The following SPAG17 variants were observed in gnomAD, a reference collection of about 807,000 sequenced individuals.
SPAG17 encodes sperm-associated antigen 17.
In SPAG17, 169 loss-of-function variants were observed where a neutral mutation model predicts 273.6. That is an observed-to-expected ratio of 0.62 (90% CI 0.55 to 0.70). The LOEUF is 0.70. SPAG17 is among the 30% of genes least tolerant of loss of function. The pLI, the probability that SPAG17 is intolerant of heterozygous loss-of-function variation, is 0.00. For synonymous variants in SPAG17, 825 were observed against 873.2 expected (o/e 0.94, Z 0.97); for missense variants, 2,557 against 2,627.8 (o/e 0.97, Z 0.59).
chr1:118,058,563 G>A (rs1651948316), intron 18 of SPAG17, among the ~76,000 whole-genome samples: 1 of 152,186 alleles, frequency 6.6e-6, no homozygotes, highest in African/African-American at 2.4e-5. Context: ...AAAGATAGAA[G>A]TGTGGCAGAT....
intron 15 of SPAG17, among the ~76,000 whole-genome samples, chr1:118,079,636 CT>C (rs1185299170): frequency 6.6e-6 from 1 of 151,524 alleles, no homozygotes. Context: ...TGTTGTTTTC[CT>C]TCTTCCACTT....
intron 36 of SPAG17, 28 bp from the exon 37 acceptor site, chr1:117,991,556 C>G: frequency 7.3e-7 from 1 of 1,377,592 alleles, no homozygotes; most frequent in South Asian, 1.2e-5. Context: ...AATACATAGA[C>G]AAAAACTAGG....
intron 20 of SPAG17, among the ~76,000 whole-genome samples, chr1:118,045,848 T>TTG (rs1167930411): frequency 6.6e-6 from 1 of 152,186 alleles, no homozygotes; most frequent in Admixed American, 6.5e-5. Flanking sequence ...GTTCGGAAAG[T>TTG]TGCAGATTCA....
At chr1:118,014,660 G>A (rs560804849) in intron 29 of SPAG17, among the ~76,000 whole-genome samples, 38 of 152,282 alleles carry the variant, frequency 2.5e-4, no homozygotes, top group Non-Finnish European at 4.7e-4. Context: ...ATAGCAAGCT[G>A]GCATTTTGCT....
chr1:118,179,814 A>G (rs965416324), intron 1 of SPAG17, among the ~76,000 whole-genome samples: 2 of 152,110 alleles, frequency 1.3e-5, no homozygotes, highest in Admixed American at 1.3e-4. Context: ...AAAAAGATGT[A>G]CAAATGACCA....
chr1:118,152,006 TATTGTA>T (rs1175582038), intron 1 of SPAG17, among the ~76,000 whole-genome samples: 2 of 152,252 alleles, frequency 1.3e-5, no homozygotes, highest in Non-Finnish European at 2.9e-5. Context: ...TCTCTTTGTT[TATTGTA>T]ATTGTAATTT....
At chr1:118,066,673 C>T (rs1046791792) in intron 18 of SPAG17, 72 bp downstream of exon 18, 1 of 1,344,002 alleles carries the variant, frequency 7.4e-7, no homozygotes. Context: ...GAACTAACAC[C>T]TAAGTAACTA....
chr1:118,081,640 C>G lies in SPAG17; in HGVS notation c.1765G>C (p.Val589Leu). The G allele has an allele frequency of 6.2e-7, 1 of 1,613,276 alleles. No individual in the cohort carries two copies. Among genetic ancestry groups the G allele is most frequent in the Non-Finnish European group, 8.5e-7 (1 of 1,179,420 alleles). Residue 589 changes from valine to leucine, a missense_variant and splice_region_variant, in exon 14 of 49, where the codon GTC becomes CTC. Val to Leu is a conservative substitution (Grantham distance 32, BLOSUM62 1). Coordinates refer to ENST00000336338, the MANE Select transcript of SPAG17 (RefSeq NM_206996.4). The stretch of plus-strand genomic sequence containing the variant: ...CGTTCTACTTCATTCCAGCTCAAGA[C>G]ATCTGTAAGAAAGCAGAACCAGTGC... ...HELMHFCTSD[V>L]LSWNEVERAF... is the part of the protein sequence containing the mutation.
chr1:118,185,170 A>C lies in SPAG17; in HGVS notation c.-13T>G, dbSNP rs1384430343. The C allele has an allele frequency of 1.9e-6, 3 of 1,608,458 alleles. No homozygotes were observed. The highest frequency in any genetic ancestry group is 2.6e-6 in the Non-Finnish European group (3 of 1,174,822). The stretch of plus-strand genomic sequence containing the variant: ...TCTTGGGTGCCATGCAAAGGACGGG[A>C]GAAGCATTGGCCTCTAAACTGGGCG... On this transcript the variant is annotated 5_prime_UTR_variant, in exon 1 of 49. Transcript: ENST00000336338.
chr1:118,135,006 A>G (rs982105253), intron 3 of SPAG17, among the ~76,000 whole-genome samples: 2 of 152,344 alleles, frequency 1.3e-5, no homozygotes, highest in Admixed American at 6.5e-5. Context: ...TCTGTTTTTC[A>G]TAAGACTGGA....
chr1:118,147,577 A>G (rs1659087426), intron 3 of SPAG17, among the ~76,000 whole-genome samples: 1 of 152,226 alleles, frequency 6.6e-6, no homozygotes, highest in Non-Finnish European at 1.5e-5. Flanking sequence ...AGCTGCAGCT[A>G]CGTCTCTACA....
chr1:118,068,241 A>C (rs1653184978), intron 17 of SPAG17, among the ~76,000 whole-genome samples: 1 of 151,848 alleles, frequency 6.6e-6, no homozygotes, highest in African/African-American at 2.4e-5. Context: ...AAAACAATAC[A>C]TTTGCTTCCC....
At chr1:118,001,177 T>G (rs1322573915) in intron 32 of SPAG17, among the ~76,000 whole-genome samples, 1 of 152,192 alleles carries the variant, frequency 6.6e-6, no homozygotes, top group Non-Finnish European at 1.5e-5. Flanking sequence ...GAAGCCGACC[T>G]GAACATGGCG....
chr1:118,122,166 TG>T (rs1657461623), intron 3 of SPAG17, among the ~76,000 whole-genome samples: 4 of 152,060 alleles, frequency 2.6e-5, no homozygotes, highest in Admixed American at 2.6e-4. Flanking sequence ...TGTGTGTGTG[TG>T]TGTGTGTGTG....
chr1:118,116,779 A>G (rs1466046888), intron 3 of SPAG17, among the ~76,000 whole-genome samples: 1 of 152,200 alleles, frequency 6.6e-6, no homozygotes, highest in Non-Finnish European at 1.5e-5. Context: ...CTAAAAACCA[A>G]AGGAACTAAC....
intron 3 of SPAG17, among the ~76,000 whole-genome samples, chr1:118,122,996 T>C (rs1385825952): frequency 6.6e-6 from 1 of 152,106 alleles, no homozygotes; most frequent in Non-Finnish European, 1.5e-5. Flanking sequence ...AAAGGACAAA[T>C]TGAGATATCT....
intron 3 of SPAG17, among the ~76,000 whole-genome samples, chr1:118,123,223 C>A (rs1657520862): frequency 6.6e-6 from 1 of 152,090 alleles, no homozygotes; most frequent in Non-Finnish European, 1.5e-5. Context: ...TTATTTAGGG[C>A]CAACTATATT....
intron 17 of SPAG17, among the ~76,000 whole-genome samples, chr1:118,069,375 T>A (rs1312043291): frequency 5.0e-5 from 5 of 100,152 alleles, no homozygotes; most frequent in Admixed American, 2.9e-4. Flanking sequence ...GTAGCTGTGG[T>A]GCAGAAGAGC....
chr1:118,055,744 T>G lies in SPAG17; in HGVS notation c.2711A>C (p.Lys904Thr). The change falls in exon 19 of 49, where the codon AAA becomes ACA. Residue 904 changes from lysine (K) to threonine (T), a missense_variant. Coordinates refer to ENST00000336338, the MANE Select transcript of SPAG17 (RefSeq NM_206996.4). ...AACTGGTTACTTACTTTTAGATTCT[T>G]TAATGGAAAAAATTTTGCTAGCAGA... ...LTSASKIFSI[K>T]ESKSNKGISK... 1 of 1,611,890 alleles carries G rather than the reference T, an allele frequency of 6.2e-7. No homozygotes were observed. The highest frequency in any genetic ancestry group is 8.5e-7 in the Non-Finnish European group (1 of 1,179,204).
Sources: gnomAD v4.1 joint callset for allele counts (sites outside exome capture counted in the v4.1 genomes callset) on GRCh38, gnomAD v4.1.1 for gene constraint, MANE v1.5 for transcripts, NCBI Gene and HGNC (gene_info 2026-07-23, HGNC 2026-07-21) for gene names.